ALOX5AP: variants seen among roughly 807,000 people sequenced by gnomAD.
ALOX5AP encodes arachidonate 5-lipoxygenase-activating protein.
In ALOX5AP, 9 loss-of-function variants were observed where a neutral mutation model predicts 18.5. That is an observed-to-expected ratio of 0.49 (90% CI 0.29 to 0.85). The LOEUF is 0.85. ALOX5AP is among the 40% of genes least tolerant of loss of function. The pLI is 0.08. For missense variants in ALOX5AP, 172 were observed against 202.5 expected, an observed-to-expected ratio of 0.85 and a Z score of 0.91; for synonymous variants, 81 against 78.6, an observed-to-expected ratio of 1.03 and a Z score of -0.16.
At chr13:30,732,797 T>A (rs1951691838), upstream of ALOX5AP, among the ~76,000 whole-genome samples, 1 of 151,102 alleles carries the variant, frequency 6.6e-6, no homozygotes, top group Middle Eastern at 3.4e-3. Context: ...GAGGAGAGAT[T>A]GGAAGAAAGA....
chr13:30,763,373 C>T (rs1951960145), intron 4 of ALOX5AP, among the ~76,000 whole-genome samples: 1 of 152,204 alleles, frequency 6.6e-6, no homozygotes, highest in Non-Finnish European at 1.5e-5. Flanking sequence ...CTCAAAAATG[C>T]AAGGGCCTGT....
In ALOX5AP at chr13:30,755,996, T is replaced by C. The variant is rs1384874587; in HGVS notation, c.294T>C (p.Phe98=). 1.9e-6 allele frequency: 3 copies of C among 1,614,108 alleles called. No homozygotes were observed. The African/African-American group carries it at 4.0e-5, about 22-fold the overall frequency. ...LMYLFVRQKY[F]VGYLGERTQS... ...ACTTGTTTGTGAGGCAAAAGTACTT[T>C]GTCGGTTACCTAGGAGAGAGAACGC... The change falls in exon 4 of 5, where the codon TTT becomes TTC. Residue 98 remains phenylalanine, a synonymous_variant. Coordinates refer to ENST00000380490, the MANE Select transcript of ALOX5AP (RefSeq NM_001629.4).
At chr13:30,731,681 T>G (rs1951681663), upstream of ALOX5AP, among the ~76,000 whole-genome samples, 1 of 152,194 alleles carries the variant, frequency 6.6e-6, no homozygotes, top group Non-Finnish European at 1.5e-5. Flanking sequence ...TGACCACATT[T>G]TTAACCCCTC....
intron 1 of ALOX5AP, among the ~76,000 whole-genome samples, chr13:30,739,957 C>T (rs1259173239): frequency 2.0e-5 from 3 of 152,340 alleles, no homozygotes; most frequent in African/African-American, 4.8e-5. Flanking sequence ...CAGCCCTATG[C>T]GTTTTACCCA....
intron 4 of ALOX5AP, among the ~76,000 whole-genome samples, chr13:30,763,020 T>A (rs1951955444): frequency 6.6e-6 from 1 of 152,144 alleles, no homozygotes; most frequent in Non-Finnish European, 1.5e-5. Context: ...TATTAAAACA[T>A]GTCTCCGCTA....
chr13:30,727,708 T>C (rs1305349261), intron 1 of ALOX5AP, among the ~76,000 whole-genome samples: 2 of 152,172 alleles, frequency 1.3e-5, no homozygotes, highest in African/African-American at 2.4e-5. Flanking sequence ...CTCTGACTGC[T>C]CCGTGATGAG....
At chr13:30,745,064 T>G (rs1951798714) in intron 2 of ALOX5AP, among the ~76,000 whole-genome samples, 1 of 152,194 alleles carries the variant, frequency 6.6e-6, no homozygotes, top group Admixed American at 6.5e-5. Flanking sequence ...ACTGCAGGGT[T>G]GGAGTCCCTG....
At chr13:30,760,288 C>A (rs925948063) in intron 4 of ALOX5AP, among the ~76,000 whole-genome samples, 4 of 151,298 alleles carry the variant, frequency 2.6e-5, no homozygotes, top group African/African-American at 9.7e-5. Flanking sequence ...TGGCGGGGGG[C>A]CACAGAGAGC....
chr13:30,746,061 C>T (rs538854934), intron 2 of ALOX5AP, among the ~76,000 whole-genome samples: 156 of 152,282 alleles, frequency 1.0e-3, no homozygotes, highest in African/African-American at 3.3e-3. Flanking sequence ...CACGTGCCCC[C>T]GGGAGTGAAC....
chr13:30,738,254 C>T (rs1455175455), intron 1 of ALOX5AP, among the ~76,000 whole-genome samples: 1 of 152,168 alleles, frequency 6.6e-6, no homozygotes, highest in Admixed American at 6.5e-5. Context: ...TCCTCCTCTG[C>T]CTTTCAAACA....
At chr13:30,763,855 C>A in intron 4 of ALOX5AP, 89 bp from the exon 5 acceptor site, 1 of 1,257,224 alleles carries the variant, frequency 8.0e-7, no homozygotes, top group South Asian at 1.4e-5. Context: ...ATTTAAACCC[C>A]ATATATCTAA....
chr13:30,721,856 T>C lies in ALOX5AP; in HGVS notation c.116+8015T>C, dbSNP rs540826286. ...AAATTTTTTCAGGTCCTCAACTTTA[T>C]GGTGACTTTCTCTTGCTCAGGATCT... On this transcript the variant is annotated intron_variant, in intron 1 of 5. Coordinates refer to the ALOX5AP transcript ENST00000617770. 3.3e-5 allele frequency among the ~76,000 whole-genome samples: 5 copies of C among 152,340 alleles called. No homozygotes were observed. In the South Asian group the frequency reaches 1.0e-3, roughly 32 times the overall value.
intron 2 of ALOX5AP, among the ~76,000 whole-genome samples, chr13:30,751,627 TG>T (rs1951852328): frequency 6.6e-6 from 1 of 152,226 alleles, no homozygotes; most frequent in Non-Finnish European, 1.5e-5. Context: ...CTTGCAGACC[TG>T]GGCTGATTTG....
chr13:30,714,206 CAAAAAA>C (rs57400275), intron 1 of ALOX5AP, among the ~76,000 whole-genome samples: 2 of 111,866 alleles, frequency 1.8e-5, no homozygotes, highest in Admixed American at 9.0e-5. Flanking sequence ...TGCTAACTTT[CAAAAAA>C]AAAAAAAAAA....
At chr13:30,749,961 G>A (rs1199650111) in intron 2 of ALOX5AP, among the ~76,000 whole-genome samples, 1 of 152,184 alleles carries the variant, frequency 6.6e-6, no homozygotes, top group Non-Finnish European at 1.5e-5. Flanking sequence ...GTTTGCATGA[G>A]CAGTTTGAAA....
upstream of ALOX5AP, among the ~76,000 whole-genome samples, chr13:30,735,031 A>T (rs1217445338): frequency 6.6e-6 from 1 of 151,772 alleles, no homozygotes; most frequent in Admixed American, 6.6e-5. Context: ...TGTGTGTGTG[A>T]GACAGTCTTG....
chr13:30,751,681 G>C (rs1160349732), intron 2 of ALOX5AP, among the ~76,000 whole-genome samples: 1 of 152,084 alleles, frequency 6.6e-6, no homozygotes, highest in East Asian at 1.9e-4. Context: ...TCTTCTCCCC[G>C]ACCACCCCCA....
intron 1 of ALOX5AP, among the ~76,000 whole-genome samples, chr13:30,728,930 T>C (rs1274416687): frequency 1.3e-5 from 2 of 152,228 alleles, no homozygotes; most frequent in Non-Finnish European, 2.9e-5. Context: ...TTTACATTCT[T>C]ACCAGCAATG....
chr13:30,749,535 T>A (rs1951835411), intron 2 of ALOX5AP, among the ~76,000 whole-genome samples: 1 of 152,198 alleles, frequency 6.6e-6, no homozygotes, highest in Admixed American at 6.5e-5. Flanking sequence ...CATATAAGAA[T>A]AGATGTGATG....
Sources: allele counts gnomAD v4.1 joint callset (sites outside exome capture counted in the v4.1 genomes callset), GRCh38; gene constraint gnomAD v4.1.1; transcripts MANE v1.5; gene names NCBI Gene and HGNC (gene_info 2026-07-23, HGNC 2026-07-21).